Variants in CAPZA1 observed in about 807,000 individuals in gnomAD.
CAPZA1 encodes the protein F-actin-capping protein subunit alpha-1.
Under a neutral mutation model 40.8 loss-of-function variants are expected in CAPZA1, and 10 were observed. The ratio of observed to expected loss-of-function variants is 0.25; its 90% CI spans 0.15 to 0.42. The LOEUF (loss-of-function observed/expected upper bound fraction) is 0.42, where lower values mean the gene tolerates loss of function less well. Among genes scored for constraint, CAPZA1 ranks in the 10% least tolerant of loss-of-function variants. The probability of loss-of-function intolerance (pLI) is 1.00; values close to 1 mark genes in which losing one functional copy is unlikely to be tolerated. For missense variants in CAPZA1, 277 were observed against 353.8 expected (o/e 0.78, Z 1.74); for synonymous variants, 98 against 115.0 (o/e 0.85, Z 0.95).
chr1:112,667,213 C>T (rs533165868), intron 8 of CAPZA1, 68 bp downstream of exon 8: 2 of 1,147,242 alleles, frequency 1.7e-6, no homozygotes, highest in East Asian at 2.4e-5. Context: ...TAGTTTTGAT[C>T]CTGAGTGCTG....
intron 1 of CAPZA1, among the ~76,000 whole-genome samples, chr1:112,640,742 C>T (rs537456524): frequency 6.6e-6 from 1 of 152,230 alleles, no homozygotes; most frequent in Non-Finnish European, 1.5e-5. Context: ...TCATTGAGAA[C>T]GGGCCAGGAT....
intron 7 of CAPZA1, among the ~76,000 whole-genome samples, chr1:112,663,972 G>A (rs886503536): frequency 6.6e-6 from 1 of 152,088 alleles, no homozygotes; most frequent in East Asian, 1.9e-4. Flanking sequence ...GGTGGCTCAC[G>A]CCTGTAATCC....
intron 1 of CAPZA1, among the ~76,000 whole-genome samples, chr1:112,642,509 C>T (rs548337503): frequency 6.6e-6 from 1 of 152,258 alleles, no homozygotes; most frequent in Non-Finnish European, 1.5e-5. Context: ...GCCACCGCGC[C>T]TGGCCGACCA....
chr1:112,621,928 A>T (rs1002931003), intron 1 of CAPZA1, among the ~76,000 whole-genome samples: 1 of 151,546 alleles, frequency 6.6e-6, no homozygotes, highest in African/African-American at 2.4e-5. Context: ...AGCCTGGCTA[A>T]TTTTTTGTAT....
At chr1:112,629,933 C>G (rs1234188040) in intron 1 of CAPZA1, among the ~76,000 whole-genome samples, 1 of 152,128 alleles carries the variant, frequency 6.6e-6, no homozygotes, top group African/African-American at 2.4e-5. Flanking sequence ...TGTAGTTGTC[C>G]TCCACCAACC....
chr1:112,625,136 A>G (rs1670780606), intron 1 of CAPZA1, among the ~76,000 whole-genome samples: 1 of 152,132 alleles, frequency 6.6e-6, no homozygotes. Context: ...CTTGTATTCA[A>G]GAGTATGTCC....
At chr1:112,668,251 G>A (rs1671765282) in intron 8 of CAPZA1, among the ~76,000 whole-genome samples, 1 of 152,176 alleles carries the variant, frequency 6.6e-6, no homozygotes, top group African/African-American at 2.4e-5. Flanking sequence ...ACTTCAGCCT[G>A]GGTGACAGAA....
intron 7 of CAPZA1, among the ~76,000 whole-genome samples, chr1:112,662,592 G>T (rs969318991): frequency 1.3e-5 from 2 of 151,594 alleles, no homozygotes; most frequent in Admixed American, 6.6e-5. Flanking sequence ...TAGAGACAGG[G>T]TTTCACTGTG....
At chr1:112,650,129 G>A (rs1025854198) in intron 3 of CAPZA1, 3 of 152,286 alleles carry the variant, frequency 2.0e-5, no homozygotes, top group African/African-American at 4.8e-5. Flanking sequence ...AACTGGCTCA[G>A]AGTTCCTTTG....
intron 1 of CAPZA1, among the ~76,000 whole-genome samples, chr1:112,642,711 T>G (rs1019562087): frequency 6.6e-6 from 1 of 152,224 alleles, no homozygotes; most frequent in Non-Finnish European, 1.5e-5. Context: ...AATTATTACT[T>G]TTTTATATGC....
At position 112,671,590 on chromosome 1, in the gene CAPZA1, T is replaced by C. The variant is rs1671835518; in HGVS notation, c.*1458T>C. The C allele has an allele frequency of 1.3e-5, 2 of 152,662 alleles. No individual in the cohort carries two copies. Among genetic ancestry groups the C allele is most frequent in the Admixed American group, 1.3e-4 (2 of 15,292 alleles). The allele number at this position is 152,662 out of a possible 1,614,324, so 9.5% of individuals were successfully genotyped here. A position where few individuals can be genotyped will look rare whatever the true frequency, so the allele number is the denominator to read the frequency against. On this transcript the variant is annotated 3_prime_UTR_variant, in exon 10 of 10. Coordinates refer to ENST00000263168, the MANE Select transcript of CAPZA1 (RefSeq NM_006135.3). ...CTATCTTCTGTATCAGGTAGTCTAATAGAAATATACCTGTTTTGTTCTAAA... is the reference window on the plus strand; with the variant it reads ...CTATCTTCTGTATCAGGTAGTCTAACAGAAATATACCTGTTTTGTTCTAAA...
intron 7 of CAPZA1, among the ~76,000 whole-genome samples, chr1:112,660,838 C>CTTTTT (rs67876993): frequency 9.1e-5 from 6 of 65,992 alleles, no homozygotes; most frequent in Admixed American, 1.7e-4. Flanking sequence ...CAAGAGTTGT[C>CTTTTT]TTTTTTTTTT....
chr1:112,647,151 T>G, intron 1 of CAPZA1, 59 bp from the exon 2 acceptor site: 1 of 778,724 alleles, frequency 1.3e-6, no homozygotes, highest in Non-Finnish European at 2.0e-6. Context: ...GTTAATTATT[T>G]CTCCTTTTAT....
At chr1:112,668,047 AGG>A (rs1230096794) in intron 8 of CAPZA1, among the ~76,000 whole-genome samples, 1 of 151,976 alleles carries the variant, frequency 6.6e-6, no homozygotes, top group East Asian at 1.9e-4. Flanking sequence ...GCACTTTGGG[AGG>A]TCGAGGCAGG....
chr1:112,670,482 T>A lies in CAPZA1; in HGVS notation c.*350T>A, dbSNP rs543869587. 4.3e-4 allele frequency: 93 copies of A among 218,088 alleles called. No individual in the cohort carries two copies. The highest frequency in any genetic ancestry group is 2.1e-3 in the African/African-American group (90 of 42,192). 13.5% of individuals were successfully genotyped at this position (218,088 alleles called of 1,614,324 possible). A position where few individuals can be genotyped will look rare whatever the true frequency, so the allele number is the denominator to read the frequency against. On this transcript the variant is annotated 3_prime_UTR_variant, in exon 10 of 10. Transcript: ENST00000263168. ...CTAGCCATGAAGCCCTGCTACTGAT[T>A]TAGACAAGGTATTATGGTCATTACT...
intron 5 of CAPZA1, among the ~76,000 whole-genome samples, chr1:112,656,706 A>G (rs1671507075): frequency 6.6e-6 from 1 of 152,054 alleles, no homozygotes; most frequent in Non-Finnish European, 1.5e-5. Context: ...ACAGAAAGTC[A>G]TGGAATTGTT....
intron 1 of CAPZA1, among the ~76,000 whole-genome samples, chr1:112,638,993 AATTATAT>A (rs1286716320): frequency 1.4e-5 from 2 of 144,114 alleles, no homozygotes; most frequent in Non-Finnish European, 3.0e-5. Flanking sequence ...TATAATATAT[AATTATAT>A]ATTATATAAT....
Position 112,653,609 on chromosome 1 carries a change from A to G in CAPZA1, c.167A>G (p.Gln56Arg). 6.4e-7 allele frequency: 1 copy of G among 1,561,602 alleles called. No individual in the cohort carries two copies. The highest frequency in any genetic ancestry group is 8.6e-7 in the Non-Finnish European group (1 of 1,157,322). Residue 56 changes from glutamine (Q) to arginine (R), a missense_variant, in exon 4 of 10, where the codon CAG (glutamine) becomes CGG (arginine). Physicochemically the swap from Gln to Arg is conservative, Grantham distance 43. Transcript: ENST00000263168. The stretch of plus-strand genomic sequence containing the variant: ...TTAAAAAAAAACAGTGCATTTGCCC[A>G]GTATAACATGGATCAGTTCACGCCT... ...LREGAAHAFA[Q>R]YNMDQFTPVK...
In CAPZA1 at chr1:112,647,224, T is replaced by C; in HGVS notation, c.54T>C (p.Ala18=). ...TTTCTCTTTAGGTACGCATAGCTGC[T>C]AAATTCATCACTCATGCACCCCCAG... ...VSDEEKVRIA[A]KFITHAPPGE... Residue 18 remains alanine, a synonymous_variant, in exon 2 of 10, where the codon GCT becomes GCC. Coordinates refer to ENST00000263168, the MANE Select transcript of CAPZA1 (RefSeq NM_006135.3). 6.5e-7 allele frequency: 1 copy of C among 1,532,384 alleles called. No individual in the cohort carries two copies. Among genetic ancestry groups the C allele is most frequent in the Non-Finnish European group, 8.8e-7 (1 of 1,131,358 alleles). 94.9% of individuals were successfully genotyped at this position (1,532,384 alleles called of 1,614,324 possible).
Sources: gnomAD v4.1 joint callset for allele counts (sites outside exome capture counted in the v4.1 genomes callset) on GRCh38, gnomAD v4.1.1 for gene constraint, MANE v1.5 for transcripts, NCBI Gene and HGNC (gene_info 2026-07-23, HGNC 2026-07-21) for gene names.